The following TMEM132D variants were observed in gnomAD, a reference collection of about 807,000 sequenced individuals.
TMEM132D encodes transmembrane protein 132D.
A neutral mutation model predicts 62.3 loss-of-function variants in TMEM132D; 21 were observed. That is an observed-to-expected ratio of 0.34 (90% CI 0.24 to 0.49). The LOEUF (loss-of-function observed/expected upper bound fraction) is 0.49. TMEM132D is among the 20% of genes least tolerant of loss of function. The pLI is 0.99. For synonymous variants in TMEM132D, 621 were observed against 575.6 expected, an observed-to-expected ratio of 1.08 and a Z score of -1.13; for missense variants, 1,346 against 1,402.8, an observed-to-expected ratio of 0.96 and a Z score of 0.65.
intron 3 of TMEM132D, among the ~76,000 whole-genome samples, chr12:129,417,359 C>T (rs1872157760): frequency 6.6e-6 from 1 of 152,132 alleles, no homozygotes; most frequent in Non-Finnish European, 1.5e-5. Context: ...GATACGTAGA[C>T]CAATGGAACA....
intron 3 of TMEM132D, among the ~76,000 whole-genome samples, chr12:129,339,218 G>T (rs534264540): frequency 6.6e-6 from 1 of 151,118 alleles, no homozygotes; most frequent in South Asian, 2.1e-4. Flanking sequence ...AGTGAGCTGG[G>T]ATCACACCAG....
At chr12:129,887,226 G>A (rs981514907) in intron 1 of TMEM132D, among the ~76,000 whole-genome samples, 15 of 152,196 alleles carry the variant, frequency 9.9e-5, no homozygotes, top group South Asian at 6.2e-4. Context: ...CAGACCGCCC[G>A]CCCCTCCCTG....
At chr12:129,524,087 G>T (rs545276355) in intron 3 of TMEM132D, among the ~76,000 whole-genome samples, 1 of 152,006 alleles carries the variant, frequency 6.6e-6, no homozygotes, top group Non-Finnish European at 1.5e-5. Flanking sequence ...GTCGTGGGGT[G>T]GGGGGAGTGG....
At chr12:129,180,936 G>A (rs1878047900) in intron 5 of TMEM132D, among the ~76,000 whole-genome samples, 1 of 152,134 alleles carries the variant, frequency 6.6e-6, no homozygotes, top group Non-Finnish European at 1.5e-5. Context: ...TTGGTGGGAT[G>A]AGAAGATTTA....
chr12:129,323,014 G>T (rs557345012), intron 4 of TMEM132D, among the ~76,000 whole-genome samples: 9 of 152,272 alleles, frequency 5.9e-5, no homozygotes, highest in African/African-American at 1.7e-4. Context: ...AAATAGATCT[G>T]CGTGGAACCA....
intron 3 of TMEM132D, among the ~76,000 whole-genome samples, chr12:129,526,253 G>C (rs1458164554): frequency 6.6e-6 from 1 of 151,992 alleles, no homozygotes; most frequent in African/African-American, 2.4e-5. Context: ...AGAGGTTGCT[G>C]GTTGCCCCAC....
intron 3 of TMEM132D, among the ~76,000 whole-genome samples, chr12:129,358,111 T>C (rs1870131969): frequency 6.6e-6 from 1 of 152,206 alleles, no homozygotes; most frequent in African/African-American, 2.4e-5. Flanking sequence ...TCTTCTTGTG[T>C]CCTCTATTTC....
chr12:129,842,828 G>A (rs1282419286), intron 1 of TMEM132D, among the ~76,000 whole-genome samples: 1 of 152,160 alleles, frequency 6.6e-6, no homozygotes, highest in African/African-American at 2.4e-5. Flanking sequence ...TGGACACAGA[G>A]CAGGACACGG....
chr12:129,894,361 T>G (rs1217013841), intron 1 of TMEM132D, among the ~76,000 whole-genome samples: 1 of 152,160 alleles, frequency 6.6e-6, no homozygotes, highest in Non-Finnish European at 1.5e-5. Context: ...GTGGGGATTA[T>G]TACAATTCAA....
At chr12:129,319,813 G>A (rs1427761511) in intron 4 of TMEM132D, among the ~76,000 whole-genome samples, 2 of 152,230 alleles carry the variant, frequency 1.3e-5, no homozygotes, top group Non-Finnish European at 2.9e-5. Context: ...TAAGCTGAGT[G>A]AGGAAATTGA....
At chr12:129,348,944 G>C (rs1869779206) in intron 3 of TMEM132D, among the ~76,000 whole-genome samples, 1 of 152,132 alleles carries the variant, frequency 6.6e-6, no homozygotes. Flanking sequence ...ACTTCCTTCT[G>C]GAATGCTTAG....
At chr12:129,705,532 A>G (rs1881485261) in intron 1 of TMEM132D, among the ~76,000 whole-genome samples, 1 of 152,242 alleles carries the variant, frequency 6.6e-6, no homozygotes, top group African/African-American at 2.4e-5. Context: ...TAACTGAACA[A>G]TTATCTAATT....
chr12:129,591,341 A>C (rs1878185255), intron 2 of TMEM132D, among the ~76,000 whole-genome samples: 1 of 152,220 alleles, frequency 6.6e-6, no homozygotes, highest in African/African-American at 2.4e-5. Flanking sequence ...TAGAGCATGC[A>C]TCATCCATAT....
chr12:129,093,487 G>C (rs1874998181), intron 5 of TMEM132D, among the ~76,000 whole-genome samples: 1 of 152,020 alleles, frequency 6.6e-6, no homozygotes, highest in South Asian at 2.1e-4. Flanking sequence ...GGGATGTGAA[G>C]GATCTCTTCA....
chr12:129,151,642 G>A (rs1303399229), intron 5 of TMEM132D, among the ~76,000 whole-genome samples: 1 of 152,132 alleles, frequency 6.6e-6, no homozygotes, highest in Non-Finnish European at 1.5e-5. Flanking sequence ...TCTCCCCAAG[G>A]ACTCCATCCA....
chr12:129,511,352 G>A (rs1875492036), intron 3 of TMEM132D, among the ~76,000 whole-genome samples: 1 of 152,098 alleles, frequency 6.6e-6, no homozygotes, highest in Non-Finnish European at 1.5e-5. Context: ...TCTGTGTTAT[G>A]TGCACCAGTG....
At chr12:129,423,864 A>G (rs1020921584) in intron 3 of TMEM132D, among the ~76,000 whole-genome samples, 10 of 152,208 alleles carry the variant, frequency 6.6e-5, no homozygotes, top group African/African-American at 2.4e-4. Context: ...AATTTAGAGC[A>G]TGAAATAAAT....
chr12:129,347,468 C>T (rs1164826866), intron 3 of TMEM132D, among the ~76,000 whole-genome samples: 1 of 152,180 alleles, frequency 6.6e-6, no homozygotes, highest in Non-Finnish European at 1.5e-5. Flanking sequence ...AAAGGATTCC[C>T]TATTTAATAA....
chr12:129,414,824 C>T (rs1414128157), intron 3 of TMEM132D, among the ~76,000 whole-genome samples: 6 of 152,192 alleles, frequency 3.9e-5, no homozygotes, highest in Non-Finnish European at 1.5e-5. Context: ...CCCCACCCCA[C>T]CGCCCAGTCT....
Sources: gnomAD v4.1 joint callset for allele counts (sites outside exome capture counted in the v4.1 genomes callset) on GRCh38, gnomAD v4.1.1 for gene constraint, MANE v1.5 for transcripts, NCBI Gene and HGNC (gene_info 2026-07-23, HGNC 2026-07-21) for gene names.